Variants in FIZ1 observed in about 807,000 individuals in gnomAD.
The protein encoded by FIZ1 is flt3-interacting zinc finger protein 1.
FIZ1 carries 2 observed loss-of-function variants against 5.3 expected under a neutral mutation model. The ratio of observed to expected loss-of-function variants is 0.37; its 90% CI spans 0.15 to 1.18. FIZ1 has a LOEUF of 1.18. Among genes scored for constraint, FIZ1 ranks in the 50% most tolerant of loss-of-function variants. The probability of loss-of-function intolerance (pLI) is 0.37; values close to 1 mark genes in which losing one functional copy is unlikely to be tolerated. For synonymous variants in FIZ1, 407 were observed against 364.2 expected, an observed-to-expected ratio of 1.12 and a Z score of -1.34; for missense variants, 631 against 749.7, an observed-to-expected ratio of 0.84 and a Z score of 1.85.
chr19:55,594,594 G>A (rs1351129462), intron 2 of FIZ1, among the ~76,000 whole-genome samples: 2 of 150,928 alleles, frequency 1.3e-5, no homozygotes, highest in Non-Finnish European at 2.9e-5. Flanking sequence ...CTACTCAGGA[G>A]GCTGAGGCGG....
rs112313344 is a variant in FIZ1, at chr19:55,593,049, C to G, written c.892G>C (p.Ala298Pro). ...CCGAGCTTGGGCACGCCGCCCCCCG[C>G]GGGGCCCAGGAGCAGCCTGCGGTCC... ...ASDRRLLLGP[A>P]GGGVPKLGGL... Residue 298 changes from alanine to proline, a missense_variant, in exon 3 of 3, where the codon GCG becomes CCG. By Grantham distance (27) the Ala-to-Pro change is conservative (BLOSUM62 -1). Coordinates refer to ENST00000221665, the MANE Select transcript of FIZ1 (RefSeq NM_032836.3). This position sits in a 1 kb window ranked among gnomAD's most constrained non-coding sequence, Gnocchi z 6.3. 1 of 1,393,284 alleles carries G rather than the reference C, an allele frequency of 7.2e-7. No homozygotes were observed. The highest frequency in any genetic ancestry group is 3.2e-5 in the East Asian group (1 of 31,020). The allele number at this position is 1,393,284 out of a possible 1,614,324, so 86.3% of individuals were successfully genotyped here.
chr19:55,592,948 G>A lies in FIZ1; in HGVS notation c.993C>T (p.Tyr331=). The change falls in exon 3 of 3, where the codon TAC becomes TAT. Residue 331 remains tyrosine, a synonymous_variant. Coordinates refer to ENST00000221665, the MANE Select transcript of FIZ1 (RefSeq NM_032836.3). The surrounding 1 kb of genome is among the most constrained non-coding windows in gnomAD (Gnocchi z 6.9). ...AAAEPSEDTL[Y]QCDCGTFFAS... ...CAAAGAAGGTCCCGCAGTCGCACTG[G>A]TACAGGGTGTCTTCCGAGGGCTCGG... The A allele has an allele frequency of 6.4e-7, 1 of 1,553,696 alleles. No homozygotes were observed. Among genetic ancestry groups the A allele is most frequent in the Non-Finnish European group, 8.6e-7 (1 of 1,158,098 alleles).
chr19:55,598,011 C>T, intron 1 of FIZ1, 110 bp from the exon 2 acceptor site: 1 of 1,190,558 alleles, frequency 8.4e-7, no homozygotes, highest in Non-Finnish European at 1.1e-6. Flanking sequence ...CCTCCCACTG[C>T]CCACCTCTCT....
chr19:55,592,146 TC>T lies in FIZ1; in HGVS notation c.*303del. 1 of 412,906 alleles carries T rather than the reference TC, an allele frequency of 2.4e-6. No homozygotes were observed. The highest frequency in any genetic ancestry group is 4.3e-6 in the Non-Finnish European group (1 of 231,458). The allele number at this position is 412,906 out of a possible 1,614,324, so 25.6% of individuals were successfully genotyped here. A position where few individuals can be genotyped will look rare whatever the true frequency, so the allele number is the denominator to read the frequency against. On this transcript the variant is annotated 3_prime_UTR_variant, in exon 3 of 3. Transcript: ENST00000221665. The surrounding 1 kb of genome is among the most constrained non-coding windows in gnomAD (Gnocchi z 6.9). ...TGGAGACCCATTGCTCACTGCAAAG[TC>T]CCCATGTCTTGGGGACTTACGGCTA...
chr19:55,597,919 C>CA lies in FIZ1; in HGVS notation c.-36-19dup, dbSNP rs1185804196. ...GGCTCTCTCTGGAGTAGTGGGGAGA[C>CA]AGAGGAGCAGGTGAGGGGGTCGGCT... On this transcript the variant is annotated intron_variant, in intron 1 of 2. Transcript: ENST00000221665. 4.0e-6 allele frequency: 6 copies of CA among 1,505,658 alleles called. No homozygotes were observed. Among genetic ancestry groups the CA allele is most frequent in the Non-Finnish European group, 5.3e-6 (6 of 1,124,856 alleles). The allele number at this position is 1,505,658 out of a possible 1,614,324, so 93.3% of individuals were successfully genotyped here.
At chr19:55,595,671 T>A (rs1980294235) in intron 2 of FIZ1, 1 of 152,392 alleles carries the variant, frequency 6.6e-6, no homozygotes, top group East Asian at 1.9e-4. Context: ...AGCCACACTT[T>A]CTGCTTCTCC....
In FIZ1 at chr19:55,591,531, A is replaced by G. The variant is rs1454339061; in HGVS notation, c.*919T>C. On this transcript the variant is annotated 3_prime_UTR_variant, in exon 3 of 3. Coordinates refer to ENST00000221665, the MANE Select transcript of FIZ1 (RefSeq NM_032836.3). ...GACAGACAAACCAACAGAGATGGAG[A>G]GAAAGACCAACGGATGCTACGGAGA... 2 of 152,470 alleles carry G rather than the reference A, an allele frequency of 1.3e-5. No individual in the cohort carries two copies. Among genetic ancestry groups the G allele is most frequent in the South Asian group, 2.1e-4 (1 of 4,832 alleles). The allele number at this position is 152,470 out of a possible 1,614,324, so 9.4% of individuals were successfully genotyped here. A position where few individuals can be genotyped will look rare whatever the true frequency, so the allele number is the denominator to read the frequency against.
In FIZ1 at chr19:55,592,507, G is replaced by A. The variant is rs1314410699; in HGVS notation, c.1434C>T (p.Gly478=). The change falls in exon 3 of 3, where the codon GGC becomes GGT. Residue 478 remains glycine, a synonymous_variant. Transcript: ENST00000221665. The surrounding 1 kb of genome is among the most constrained non-coding windows in gnomAD (Gnocchi z 6.9). The part of the protein sequence containing the change: ...RPFPCHICGK[G]FITLSNLSRH... ...TGGAGAGGTTGCTGAGCGTGATGAA[G>A]CCCTTGCCGCAGATGTGGCAAGGGA... 2 of 1,600,088 alleles carry A rather than the reference G, an allele frequency of 1.2e-6. No homozygotes were observed. Among genetic ancestry groups the A allele is most frequent in the Non-Finnish European group, 1.7e-6 (2 of 1,173,830 alleles).
Position 55,592,280 on chromosome 19 carries a change from T to G in FIZ1, c.*170A>C. The G allele has an allele frequency of 1.4e-6, 1 of 696,580 alleles. No homozygotes were observed. The highest frequency in any genetic ancestry group is 2.3e-6 in the Non-Finnish European group (1 of 437,704). 43.1% of individuals were successfully genotyped at this position (696,580 alleles called of 1,614,324 possible). A position where few individuals can be genotyped will look rare whatever the true frequency, so the allele number is the denominator to read the frequency against. On this transcript the variant is annotated 3_prime_UTR_variant, in exon 3 of 3. Transcript: ENST00000221665. This position sits in a 1 kb window ranked among gnomAD's most constrained non-coding sequence, Gnocchi z 6.9. ...TTTGTGGTCCCCCAGCTCCGGGGCC[T>G]TTGTGGGTTTTTGGTGGCCCCCACC...
chr19:55,599,322 G>T (rs1017037125), intron 1 of FIZ1, 152 bp downstream of exon 1: 1 of 152,398 alleles, frequency 6.6e-6, no homozygotes, highest in Non-Finnish European at 1.5e-5. Context: ...GCCCCTAAAA[G>T]GTGCAGCCCT....
At chr19:55,595,812 G>C (rs555017174) in intron 2 of FIZ1, 10 of 152,004 alleles carry the variant, frequency 6.6e-5, no homozygotes, top group Admixed American at 2.0e-4. Flanking sequence ...CCTTTTTCTC[G>C]GGAAAACCAT....
intron 2 of FIZ1, among the ~76,000 whole-genome samples, chr19:55,596,392 T>A (rs1191690073): frequency 6.6e-6 from 1 of 152,200 alleles, no homozygotes; most frequent in East Asian, 1.9e-4. Context: ...GTTGTGCAAG[T>A]GTCTGGCACA....
Position 55,592,812 on chromosome 19 carries a change from G to C in FIZ1, c.1129C>G (p.Arg377Gly). ...CCGCCCTCACCGTGGCTGACCCGCCGGTGCTCCTCCAAGGCGGCCAGCGCC... is the reference window on the plus strand; with the variant it reads ...CCGCCCTCACCGTGGCTGACCCGCCCGTGCTCCTCCAAGGCGGCCAGCGCC... Reference protein sequence around the residue: ...YAALAALEEHRRVSHGEGGGE... With the variant: ...YAALAALEEHGRVSHGEGGGE... Residue 377 changes from arginine to glycine, a missense_variant, in exon 3 of 3, where the codon CGG becomes GGG. Around this residue, in one of 4 missense-constraint regions of FIZ1, gnomAD observed 463 missense variants for 455.1 expected, o/e 1.02. Coordinates refer to ENST00000221665, the MANE Select transcript of FIZ1 (RefSeq NM_032836.3). The surrounding 1 kb of genome is among the most constrained non-coding windows in gnomAD (Gnocchi z 6.9). 6.3e-7 allele frequency: 1 copy of C among 1,584,504 alleles called. No homozygotes were observed.
rs540598696 is a variant in FIZ1 at position 55,592,821 on chromosome 19, C to G, written c.1120G>C (p.Glu374Gln). 5.1e-6 allele frequency: 8 copies of G among 1,576,698 alleles called. No individual in the cohort carries two copies. In the East Asian group the frequency reaches 1.6e-4, roughly 32 times the overall value. Residue 374 changes from glutamate to glutamine, a missense_variant, in exon 3 of 3, where the codon GAG (glutamate) becomes CAG (glutamine). Physicochemically the swap from Glu to Gln is conservative, Grantham distance 29. Around this residue, in one of 4 missense-constraint regions of FIZ1, gnomAD observed 463 missense variants for 455.1 expected, o/e 1.02. Transcript: ENST00000221665. The surrounding 1 kb of genome is among the most constrained non-coding windows in gnomAD (Gnocchi z 6.9). The part of the protein sequence containing the change: ...GALYAALAAL[E>Q]EHRRVSHGEG... ...CCGTGGCTGACCCGCCGGTGCTCCT[C>G]CAAGGCGGCCAGCGCCGCGTACAGA...
rs1980038725 is a variant in FIZ1, at chr19:55,592,263, C to G, written c.*187G>C. On this transcript the variant is annotated 3_prime_UTR_variant, in exon 3 of 3. Coordinates refer to ENST00000221665, the MANE Select transcript of FIZ1 (RefSeq NM_032836.3). The surrounding 1 kb of genome is among the most constrained non-coding windows in gnomAD (Gnocchi z 6.9). ...GCTAAGGACCCTGTTTGTTTGTGGT[C>G]CCCCAGCTCCGGGGCCTTTGTGGGT... 14 of 632,222 alleles carry G rather than the reference C, an allele frequency of 2.2e-5. No homozygotes were observed. The South Asian group carries it at 3.0e-4, about 14-fold the overall frequency. The allele number at this position is 632,222 out of a possible 1,614,324, so 39.2% of individuals were successfully genotyped here. A position where few individuals can be genotyped will look rare whatever the true frequency, so the allele number is the denominator to read the frequency against.
chr19:55,595,426 G>A (rs1023761932), intron 2 of FIZ1, among the ~76,000 whole-genome samples: 5 of 152,150 alleles, frequency 3.3e-5, no homozygotes, highest in Admixed American at 3.3e-4. Flanking sequence ...ATGCCCGTAG[G>A]TCTATTTATC....
chr19:55,592,393 T>TGGTCCAGGCCG lies in FIZ1; in HGVS notation c.*46_*56dup. On this transcript the variant is annotated 3_prime_UTR_variant, in exon 3 of 3. Transcript: ENST00000221665. This position sits in a 1 kb window ranked among gnomAD's most constrained non-coding sequence, Gnocchi z 6.9. ...CCTCACGCGCAGTCCCGAGGTCCCCTGGTCCAGGCCGAGTCCAGGAGGCTG... is the reference window on the plus strand; with the variant it reads ...CCTCACGCGCAGTCCCGAGGTCCCCTGGTCCAGGCCGGGTCCAGGCCGAGTCCAGGAGGCTG... The TGGTCCAGGCCG allele has an allele frequency of 6.8e-7, 1 of 1,463,878 alleles. No individual in the cohort carries two copies. The allele number at this position is 1,463,878 out of a possible 1,614,324, so 90.7% of individuals were successfully genotyped here. A position where few individuals can be genotyped will look rare whatever the true frequency, so the allele number is the denominator to read the frequency against.
intron 2 of FIZ1, among the ~76,000 whole-genome samples, chr19:55,596,611 C>CA (rs1980339339): frequency 4.8e-3 from 1 of 210 alleles, no homozygotes; most frequent in Non-Finnish European, 8.8e-3. Context: ...TAACCTTCCC[C>CA]ACCTGTCTGA....
chr19:55,593,467 C>G lies in FIZ1; in HGVS notation c.474G>C (p.Gly158=). ...CTGAGCCCCCGCACACCGAGCAGGG[C>G]CCCACATTGCAGCAGACGGAGCAGG... The part of the protein sequence containing the change: ...SAPCSVCCNV[G]PCSVCGGSGA... The change falls in exon 3 of 3, where the codon GGG becomes GGC. Residue 158 remains glycine (G), a synonymous_variant. Transcript: ENST00000221665. This position sits in a 1 kb window ranked among gnomAD's most constrained non-coding sequence, Gnocchi z 6.3. 5 of 1,547,392 alleles carry G rather than the reference C, an allele frequency of 3.2e-6. No homozygotes were observed. The highest frequency in any genetic ancestry group is 4.4e-6 in the Non-Finnish European group (5 of 1,146,152).
Sources: gnomAD v4.1 joint callset for allele counts (sites outside exome capture counted in the v4.1 genomes callset) on GRCh38, gnomAD v4.1.1 for gene constraint, gnomAD v4.1.1 regional missense constraint, Gnocchi (gnomAD v3.1) non-coding constraint, MANE v1.5 for transcripts, NCBI Gene and HGNC (gene_info 2026-07-23, HGNC 2026-07-21) for gene names.